Variants in RFC4 observed in about 807,000 individuals in gnomAD.
The protein encoded by RFC4 is A1 37 kDa subunit.
A neutral mutation model predicts 47.6 loss-of-function variants in RFC4; 38 were observed. The observed-to-expected ratio is 0.80, with a 90% confidence interval of 0.62 to 1.05. The LOEUF (loss-of-function observed/expected upper bound fraction) is 1.05. Ranked by LOEUF, RFC4 falls within the 50% of genes least tolerant of loss-of-function variation. The pLI is 0.00. For missense variants in RFC4, 489 were observed against 434.0 expected (o/e 1.13, Z -1.13); for synonymous variants, 164 against 150.0 (o/e 1.09, Z -0.68).
At chr3:186,794,263 T>C (rs1722199177) in intron 5 of RFC4, among the ~76,000 whole-genome samples, 1 of 152,360 alleles carries the variant, frequency 6.6e-6, no homozygotes, top group Non-Finnish European at 1.5e-5. Flanking sequence ...CAAGTATTAA[T>C]GGTAGAAGGG....
At chr3:186,803,809 C>G (rs1368574862) in intron 2 of RFC4, among the ~76,000 whole-genome samples, 1 of 151,882 alleles carries the variant, frequency 6.6e-6, no homozygotes, top group East Asian at 1.9e-4. Context: ...TAGGCATGAG[C>G]CACCATGCCA....
chr3:186,799,726 A>T (rs1722312946), intron 3 of RFC4, among the ~76,000 whole-genome samples: 1 of 152,086 alleles, frequency 6.6e-6, no homozygotes, highest in Non-Finnish European at 1.5e-5. Flanking sequence ...TACAAAAAAA[A>T]ACAAAAAAAC....
intron 4 of RFC4, among the ~76,000 whole-genome samples, chr3:186,797,179 C>G (rs552825263): frequency 1.8e-3 from 273 of 152,306 alleles, no homozygotes; most frequent in African/African-American, 6.0e-3. Flanking sequence ...CATGTAGCCA[C>G]ACAGATGTGA....
intron 2 of RFC4, among the ~76,000 whole-genome samples, chr3:186,802,815 C>G (rs2108473441): frequency 6.6e-6 from 1 of 151,976 alleles, no homozygotes; most frequent in African/African-American, 2.4e-5. Context: ...AGAGATTAAG[C>G]AGATAACAAG....
chr3:186,791,449 G>A (rs1319178918), intron 8 of RFC4: 18 of 371,364 alleles, frequency 4.8e-5, no homozygotes, highest in Non-Finnish European at 8.8e-5. Flanking sequence ...CAGCCTGGGC[G>A]ACACAGCAAG....
In RFC4 at chr3:186,794,551, A is replaced by G. The variant is rs527968324; in HGVS notation, c.410+107T>C. The stretch of plus-strand genomic sequence containing the variant: ...AGTCTTCTAACATGAAAAGTTGACA[A>G]TTTGGCAGAAATACACTTGATCTTA... On this transcript the variant is annotated intron_variant, in intron 5 of 10. Coordinates refer to ENST00000296273, the MANE Select transcript of RFC4 (RefSeq NM_002916.5). 3.9e-5 allele frequency: 44 copies of G among 1,126,726 alleles called. No individual in the cohort carries two copies. In the South Asian group the frequency reaches 6.5e-4, roughly 17 times the overall value. 69.8% of individuals were successfully genotyped at this position (1,126,726 alleles called of 1,614,324 possible).
rs749965890 is a variant in RFC4 at position 186,794,685 on chromosome 3, T to C, written c.383A>G (p.Gln128Arg). Residue 128 changes from glutamine (Q) to arginine (R), a missense_variant, in exon 5 of 11, where the codon CAA becomes CGA. Gln to Arg is a conservative substitution (Grantham distance 43, BLOSUM62 1). Transcript: ENST00000296273. ...TGAGCGACTTCCTGACACAGTTAAT[T>C]GAGCAAAATTTTTCACTTTCTCTCG... ...VVREKVKNFA[Q>R]LTVSGSRSDG... 2 of 1,614,112 alleles carry C rather than the reference T, an allele frequency of 1.2e-6. No individual in the cohort carries two copies. The highest frequency in any genetic ancestry group is 3.3e-5 in the Admixed American group (2 of 60,002).
At chr3:186,795,448 CTAGA>C (rs1414838445) in intron 4 of RFC4, among the ~76,000 whole-genome samples, 1 of 152,160 alleles carries the variant, frequency 6.6e-6, no homozygotes. Flanking sequence ...TGTTAGACAT[CTAGA>C]TAGTTTTAAA....
Position 186,794,991 on chromosome 3 carries a change from CAT to C in RFC4, c.291-216_291-215del, listed in dbSNP as rs1722214451. 4 of 530,310 alleles carry C rather than the reference CAT, an allele frequency of 7.5e-6. No homozygotes were observed. In the South Asian group the frequency reaches 1.0e-4, roughly 14 times the overall value. The allele number at this position is 530,310 out of a possible 1,614,324, so 32.9% of individuals were successfully genotyped here. A position where few individuals can be genotyped will look rare whatever the true frequency, so the allele number is the denominator to read the frequency against. ...TTAAAAAAATGTAGACATTACATAA[CAT>C]ATACAATTTCTTTTCTTTTTATTTT... On this transcript the variant is annotated intron_variant, in intron 4 of 10. Coordinates refer to ENST00000296273, the MANE Select transcript of RFC4 (RefSeq NM_002916.5).
intron 8 of RFC4, 88 bp from the exon 9 acceptor site, chr3:186,790,494 TTC>T (rs932166424): frequency 2.2e-6 from 2 of 904,342 alleles, no homozygotes; most frequent in African/African-American, 3.3e-5. Flanking sequence ...CCCCAGTCAT[TTC>T]TGTTCCACAC....
chr3:186,804,188 T>C (rs1313932943), intron 2 of RFC4, among the ~76,000 whole-genome samples: 3 of 152,034 alleles, frequency 2.0e-5, no homozygotes, highest in East Asian at 2.0e-4. Context: ...GTCTCAAAAA[T>C]AGTAATAATA....
At chr3:186,790,456 C>A in intron 8 of RFC4, 50 bp from the exon 9 acceptor site, 2 of 1,304,834 alleles carry the variant, frequency 1.5e-6, no homozygotes, top group Non-Finnish European at 1.1e-6. Flanking sequence ...TGAGACTAGA[C>A]ATACACTCTG....
chr3:186,795,205 T>G (rs1044593977), intron 4 of RFC4, among the ~76,000 whole-genome samples: 1 of 152,140 alleles, frequency 6.6e-6, no homozygotes, highest in African/African-American at 2.4e-5. Flanking sequence ...AGGGACTCAT[T>G]ATGTGGCCAG....
Position 186,797,571 on chromosome 3 carries a change from GT to G in RFC4, c.253del (p.Thr85HisfsTer19). The part of the protein sequence containing the change: ...LFYGPPGTGK[T>X]STILAAAREL... The stretch of plus-strand genomic sequence containing the variant: ...TCTAGCTGCTGCCAAAATAGTGGAT[GT>G]TTTTCCAGTTCCAGGTGGTCCGTAA... On this transcript the variant is annotated frameshift_variant, in exon 4 of 11. Transcript: ENST00000296273. LOFTEE classifies it high-confidence loss of function. 6.2e-7 allele frequency: 1 copy of G among 1,612,088 alleles called. No individual in the cohort carries two copies. The highest frequency in any genetic ancestry group is 8.5e-7 in the Non-Finnish European group (1 of 1,178,704).
intron 4 of RFC4, 185 bp from the exon 5 acceptor site, chr3:186,794,962 G>C: frequency 1.7e-6 from 1 of 591,128 alleles, no homozygotes. Context: ...TTTTTTCCAT[G>C]CATTTAAAAA....
chr3:186,795,238 A>C (rs1579179392), intron 4 of RFC4, among the ~76,000 whole-genome samples: 1 of 152,278 alleles, frequency 6.6e-6, no homozygotes, highest in East Asian at 1.9e-4. Context: ...TGATCCTTCC[A>C]CCTTGGCCTC....
In RFC4 at chr3:186,793,867, C is replaced by T. The variant is rs554851920; in HGVS notation, c.410+791G>A. Among the ~76,000 whole-genome samples the T allele has an allele frequency of 7.8e-4, 119 of 152,118 alleles. 1 individual carries two copies. Among genetic ancestry groups the T allele is most frequent in the Non-Finnish European group, 6.5e-4 (44 of 67,988 alleles). On this transcript the variant is annotated intron_variant, in intron 5 of 10. Transcript: ENST00000296273. The surrounding 1 kb of genome is among the most constrained non-coding windows in gnomAD (Gnocchi z 4.2). ...CCTCCCGAGTAGCTGGGACTACAGG[C>T]GCCCGCCACCACACCCAGCTAATTT...
chr3:186,792,748 A>T (rs1024962147), intron 6 of RFC4, 56 bp downstream of exon 6: 2 of 1,564,508 alleles, frequency 1.3e-6, no homozygotes, highest in Non-Finnish European at 1.7e-6. Context: ...TCCTTTCCCT[A>T]ATTGGGTTAT....
chr3:186,790,122 T>C lies in RFC4; in HGVS notation c.996+20A>G, dbSNP rs775616374. ...CAGGTAGTTAAATGTTCCATTGACA[T>C]GTGCAAAGTACCTACTTACGGCAAG... On this transcript the variant is annotated intron_variant, in intron 10 of 10. Coordinates refer to ENST00000296273, the MANE Select transcript of RFC4 (RefSeq NM_002916.5). 12 of 1,602,836 alleles carry C rather than the reference T, an allele frequency of 7.5e-6. No individual in the cohort carries two copies. Among genetic ancestry groups the C allele is most frequent in the Admixed American group, 1.7e-5 (1 of 59,874 alleles).
Sources: gnomAD v4.1 joint callset for allele counts (sites outside exome capture counted in the v4.1 genomes callset) on GRCh38, gnomAD v4.1.1 for gene constraint, Gnocchi (gnomAD v3.1) non-coding constraint, MANE v1.5 for transcripts, NCBI Gene and HGNC (gene_info 2026-07-23, HGNC 2026-07-21) for gene names.